The following ZC3HC1 variants were observed in gnomAD, a reference collection of about 807,000 sequenced individuals.
ZC3HC1 encodes zinc finger C3HC-type protein 1.
In ZC3HC1, 38 loss-of-function variants were observed where a neutral mutation model predicts 61.9. The observed-to-expected ratio is 0.61, with a 90% CI of 0.47 to 0.81. The LOEUF is 0.81. ZC3HC1 is among the 30% of genes least tolerant of loss of function. ZC3HC1 has a pLI of 0.00. For missense variants in ZC3HC1, 554 were observed against 622.7 expected (o/e 0.89, Z 1.17); for synonymous variants, 213 against 229.9 (o/e 0.93, Z 0.67).
intron 3 of ZC3HC1, among the ~76,000 whole-genome samples, chr7:130,039,963 A>G (rs959985650): frequency 2.1e-4 from 31 of 150,654 alleles, no homozygotes; most frequent in Non-Finnish European, 3.8e-4. Context: ...CATGTGATCC[A>G]CCCACTTCAG....
intron 2 of ZC3HC1, among the ~76,000 whole-genome samples, chr7:130,046,374 A>G (rs1213760526): frequency 2.0e-5 from 3 of 152,202 alleles, no homozygotes; most frequent in Non-Finnish European, 4.4e-5. Flanking sequence ...TGGGAGGCCA[A>G]GGCAGGAGGA....
chr7:130,034,723 G>A (rs1023761278), intron 4 of ZC3HC1, among the ~76,000 whole-genome samples: 5 of 151,974 alleles, frequency 3.3e-5, no homozygotes, highest in Non-Finnish European at 5.9e-5. Context: ...ACTCCTGGCC[G>A]CAAGTGATCC....
At position 130,018,501 on chromosome 7, in the gene ZC3HC1, A is replaced by G. The variant is rs558838935; in HGVS notation, c.*163T>C. The G allele has an allele frequency of 3.5e-5, 21 of 604,818 alleles. No individual in the cohort carries two copies. The South Asian group carries it at 4.6e-4, about 13-fold the overall frequency. 37.5% of individuals were successfully genotyped at this position (604,818 alleles called of 1,614,324 possible). The stretch of plus-strand genomic sequence containing the variant: ...AAGGAAACGGGTCTCTCTCAGCCAG[A>G]TGCAGATAGTTGACACTCACTGCCT... On this transcript the variant is annotated 3_prime_UTR_variant, in exon 10 of 10. Coordinates refer to ENST00000358303, the MANE Select transcript of ZC3HC1 (RefSeq NM_016478.5).
At chr7:130,040,580 C>T (rs985584909) in intron 3 of ZC3HC1, among the ~76,000 whole-genome samples, 11 of 148,912 alleles carry the variant, frequency 7.4e-5, no homozygotes, top group South Asian at 4.2e-4. Flanking sequence ...CCAAGGTGGG[C>T]GGATCACTTG....
chr7:130,040,849 C>A, intron 3 of ZC3HC1, 102 bp downstream of exon 3: 4 of 1,189,880 alleles, frequency 3.4e-6, no homozygotes, highest in East Asian at 2.5e-5. Flanking sequence ...TTGAAGTACG[C>A]ATTTTTTGAT....
chr7:130,022,374 A>G lies in ZC3HC1; in HGVS notation c.1385T>C (p.Leu462Pro). 3 of 1,614,066 alleles carry G rather than the reference A, an allele frequency of 1.9e-6. No individual in the cohort carries two copies. The highest frequency in any genetic ancestry group is 2.5e-6 in the Non-Finnish European group (3 of 1,179,990). ...CTGTTTGTGCGCCAAGAGGATGGTC[A>G]GCACTGCTTTCCAGCCTGGCTCTGC... ...APAEPGWKAV[L>P]TILLAHKQSS... The change falls in exon 9 of 10, where the codon CTG (leucine) becomes CCG (proline). Residue 462 changes from leucine to proline, a missense_variant. Leu to Pro is a moderately conservative substitution (Grantham distance 98, BLOSUM62 -3). Transcript: ENST00000358303.
chr7:130,035,389 CAA>C (rs1418163522), intron 4 of ZC3HC1, among the ~76,000 whole-genome samples: 6 of 59,192 alleles, frequency 1.0e-4, no homozygotes, highest in Non-Finnish European at 1.5e-4. Flanking sequence ...GAGACTGTCT[CAA>C]AAAAAAAAAA....
Position 130,023,446 on chromosome 7 carries a change from G to A in ZC3HC1, c.1233+65C>T, listed in dbSNP as rs1344916244. 1 of 1,497,016 alleles carries A rather than the reference G, an allele frequency of 6.7e-7. No individual in the cohort carries two copies. The highest frequency in any genetic ancestry group is 9.2e-7 in the Non-Finnish European group (1 of 1,091,884). The allele number at this position is 1,497,016 out of a possible 1,614,324, so 92.7% of individuals were successfully genotyped here. ...GAAGGGCTCCTGCCTGCTTCTCCAT[G>A]CTGCCTAGGGAGGGCCCAATATGCT... On this transcript the variant is annotated intron_variant, in intron 8 of 9. Transcript: ENST00000358303. This position sits in a 1 kb window ranked among gnomAD's most constrained non-coding sequence, Gnocchi z 4.2.
chr7:130,034,433 C>CAA (rs2116720492), intron 4 of ZC3HC1, among the ~76,000 whole-genome samples: 1 of 133,380 alleles, frequency 7.5e-6, no homozygotes, highest in Non-Finnish European at 1.5e-5. Flanking sequence ...TGCAGTGAGC[C>CAA]GAGACCCTGC....
rs746126456 is a variant in ZC3HC1, at chr7:130,026,293, A to C, written c.641T>G (p.Ile214Ser). 6.2e-7 allele frequency: 1 copy of C among 1,613,610 alleles called. No homozygotes were observed. Among genetic ancestry groups the C allele is most frequent in the Non-Finnish European group, 8.5e-7 (1 of 1,179,614 alleles). Residue 214 changes from isoleucine to serine, a missense_variant, in exon 6 of 10, where the codon ATC (isoleucine) becomes AGC (serine). By Grantham distance (142) the Ile-to-Ser change is moderately radical. Coordinates refer to ENST00000358303, the MANE Select transcript of ZC3HC1 (RefSeq NM_016478.5). Reference sequence around the variant, plus strand: ...TTCAAGCAAGTGTAGGAGAAGACTGATCTTGTCTTCTGTCAAGCACTACAA... The same window carrying C: ...TTCAAGCAAGTGTAGGAGAAGACTGCTCTTGTCTTCTGTCAAGCACTACAA... ...LKTMCLTEDK[I>S]SLLLHLLEDE...
Position 130,018,606 on chromosome 7 carries a change from T to G in ZC3HC1, c.*58A>C, listed in dbSNP as rs1793475553. 33 of 1,503,600 alleles carry G rather than the reference T, an allele frequency of 2.2e-5. No homozygotes were observed. In the South Asian group the frequency reaches 3.9e-4, roughly 18 times the overall value. The allele number at this position is 1,503,600 out of a possible 1,614,324, so 93.1% of individuals were successfully genotyped here. A position where few individuals can be genotyped will look rare whatever the true frequency, so the allele number is the denominator to read the frequency against. The stretch of plus-strand genomic sequence containing the variant: ...CAGCTGACCGAAAGGAACTCAGCCT[T>G]AATTTTTCAAAAAGTCACTCTCATT... On this transcript the variant is annotated 3_prime_UTR_variant, in exon 10 of 10. Coordinates refer to ENST00000358303, the MANE Select transcript of ZC3HC1 (RefSeq NM_016478.5).
chr7:130,021,707 C>T (rs573927333), intron 9 of ZC3HC1, among the ~76,000 whole-genome samples: 3 of 152,306 alleles, frequency 2.0e-5, no homozygotes, highest in South Asian at 2.1e-4. Context: ...AACATGAGGC[C>T]GGAGCAGCTG....
chr7:130,039,138 A>G (rs1270995012), intron 4 of ZC3HC1: 1 of 234,214 alleles, frequency 4.3e-6, no homozygotes, highest in Admixed American at 5.4e-5. Context: ...TGAGGTCAAG[A>G]GTTCGAGACC....
chr7:130,050,581 A>C, intron 1 of ZC3HC1: 1 of 1,215,016 alleles, frequency 8.2e-7, no homozygotes, highest in East Asian at 2.7e-5. Context: ...CATTTTCTTC[A>C]ATTATGAATG....
At chr7:130,029,160 C>G in intron 4 of ZC3HC1, 131 bp from the exon 5 acceptor site, 1 of 1,047,834 alleles carries the variant, frequency 9.5e-7, no homozygotes, top group Non-Finnish European at 1.3e-6. Context: ...CACCTGAGGT[C>G]AGGAGTTCAA....
chr7:130,019,770 CCA>C (rs796766139), intron 9 of ZC3HC1, among the ~76,000 whole-genome samples: 157 of 150,798 alleles, frequency 1.0e-3, no homozygotes, highest in African/African-American at 3.6e-3. Context: ...GCAAGATGAT[CCA>C]CAGTTACCTC....
chr7:130,040,871 G>A, intron 3 of ZC3HC1, 80 bp downstream of exon 3: 1 of 1,314,876 alleles, frequency 7.6e-7, no homozygotes, highest in South Asian at 1.6e-5. Context: ...AAACTAAAAT[G>A]ACCTTTTTTC....
At chr7:130,027,897 G>GGT (rs1350289171) in intron 5 of ZC3HC1, among the ~76,000 whole-genome samples, 2 of 151,934 alleles carry the variant, frequency 1.3e-5, no homozygotes, top group Non-Finnish European at 2.9e-5. Context: ...GGCCGGGTGT[G>GGT]GTGGCTCACA....
intron 4 of ZC3HC1, among the ~76,000 whole-genome samples, chr7:130,036,401 A>C (rs1231272896): frequency 1.3e-5 from 2 of 151,978 alleles, no homozygotes; most frequent in Non-Finnish European, 2.9e-5. Context: ...GCTTGAACTC[A>C]GGAGGGAAAA....
Sources: allele counts gnomAD v4.1 joint callset (sites outside exome capture counted in the v4.1 genomes callset), GRCh38; gene constraint gnomAD v4.1.1; non-coding constraint Gnocchi (gnomAD v3.1); transcripts MANE v1.5; gene names NCBI Gene and HGNC (gene_info 2026-07-23, HGNC 2026-07-21).